GOLGA8S: variants seen among roughly 807,000 people sequenced by gnomAD.
GOLGA8S encodes the protein golgin A8 family member S.
In GOLGA8S, 23 loss-of-function variants were observed where a neutral mutation model predicts 58.9. The ratio of observed to expected loss-of-function variants is 0.39; its 90% CI spans 0.28 to 0.55. The LOEUF (loss-of-function observed/expected upper bound fraction) is 0.55, where lower values mean the gene tolerates loss of function less well. Among genes scored for constraint, GOLGA8S ranks in the 20% least tolerant of loss-of-function variants. The pLI is 0.63. For synonymous variants in GOLGA8S, 84 were observed against 195.7 expected, an observed-to-expected ratio of 0.43 and a Z score of 4.76; for missense variants, 266 against 514.2, an observed-to-expected ratio of 0.52 and a Z score of 4.67.
At position 23,359,496 on chromosome 15, in the gene GOLGA8S, G is replaced by C. The variant is rs368634783; in HGVS notation, c.591+287G>C. 4.3e-4 allele frequency among the ~76,000 whole-genome samples: 62 copies of C among 144,760 alleles called. 1 individual carries two copies. The highest frequency in any genetic ancestry group is 1.4e-3 in the East Asian group (7 of 5,084). 95.0% of individuals were successfully genotyped at this position (144,760 alleles called of 152,430 possible). On this transcript the variant is annotated intron_variant, in intron 8 of 18. Transcript: ENST00000562295. The stretch of plus-strand genomic sequence containing the variant: ...TGGCCAAGTCCTCAGTGGGTATTGG[G>C]TACTTGTACTGTGAAGGTACAGAAG...
chr15:23,364,464 C>T (rs750479059), intron 16 of GOLGA8S, 21 bp downstream of exon 16: 14 of 1,604,490 alleles, frequency 8.7e-6, no homozygotes, highest in African/African-American at 2.7e-5. Flanking sequence ...GGCCAGGGCA[C>T]AGCAGGGGGA....
rs755634510 is a variant in GOLGA8S, at chr15:23,364,634, C to G, written c.1546+11C>G. 1 of 1,407,440 alleles carries G rather than the reference C, an allele frequency of 7.1e-7. No homozygotes were observed. The highest frequency in any genetic ancestry group is 1.2e-5 in the South Asian group (1 of 81,798). 87.2% of individuals were successfully genotyped at this position (1,407,440 alleles called of 1,614,324 possible). On this transcript the variant is annotated intron_variant, in intron 17 of 18. Transcript: ENST00000562295. The stretch of plus-strand genomic sequence containing the variant: ...AGGGAGGAGATGAAGGTAGGGTGTG[C>G]AACATCTCTGTGGGGGTGGGGGTGG...
At position 23,364,307 on chromosome 15, in the gene GOLGA8S, C is replaced by T. The variant is rs756490178; in HGVS notation, c.1348-36C>T. On this transcript the variant is annotated intron_variant, in intron 15 of 18. Coordinates refer to ENST00000562295, the Ensembl canonical transcript of GOLGA8S. ...TTGAAAATGCCACCTGAGGGCAGGTCGCTGCCGAGATGTGACTACAATATT... is the reference window on the plus strand; with the variant it reads ...TTGAAAATGCCACCTGAGGGCAGGTTGCTGCCGAGATGTGACTACAATATT... The T allele has an allele frequency of 3.5e-5, 56 of 1,596,050 alleles. 3 individuals carry two copies. Among genetic ancestry groups the T allele is most frequent in the African/African-American group, 5.4e-5 (4 of 74,748 alleles).
rs1443380190 is a variant in GOLGA8S, at chr15:23,360,634, G to A, written c.787-94G>A. On this transcript the variant is annotated intron_variant, in intron 10 of 18. Transcript: ENST00000562295. ...TAGAGCCAGAGGTGGTCATGGGACT[G>A]GGCTTTGTGGAGGTGGGGGCAGAGA... 3 of 1,271,586 alleles carry A rather than the reference G, an allele frequency of 2.4e-6. No homozygotes were observed. The East Asian group carries it at 6.9e-5, about 29-fold the overall frequency. 78.8% of individuals were successfully genotyped at this position (1,271,586 alleles called of 1,614,324 possible).
At chr15:23,363,955 C>T (rs1163495623) in intron 15 of GOLGA8S, among the ~76,000 whole-genome samples, 186 bp downstream of exon 15, 2 of 135,618 alleles carry the variant, frequency 1.5e-5, no homozygotes, top group Admixed American at 8.1e-5. Flanking sequence ...AGGGAAGGGG[C>T]TGCGCTCCAC....
At chr15:23,360,673 C>T (rs1300987476) in intron 10 of GOLGA8S, 55 bp from the exon 11 acceptor site, 5 of 1,210,540 alleles carry the variant, frequency 4.1e-6, no homozygotes, top group Non-Finnish European at 6.1e-6. Context: ...AGAGGGCAGC[C>T]TGTCCAGCCT....
chr15:23,362,695 A>G (rs641872), intron 13 of GOLGA8S, among the ~76,000 whole-genome samples: 2,896 of 142,272 alleles, frequency 0.02, 129 homozygotes, highest in Non-Finnish European at 0.028. Context: ...CTAGGAAAGC[A>G]AGGCAGTCAC....
At chr15:23,366,038 C>T (rs558525594), downstream of GOLGA8S, 7 of 150,092 alleles carry the variant, frequency 4.7e-5, no homozygotes, top group South Asian at 6.7e-4. Context: ...ATCTACAATA[C>T]ATTTTAAACT....
Position 23,364,235 on chromosome 15 carries a change from C to T in GOLGA8S, c.1348-108C>T, listed in dbSNP as rs560488442. ...ACCCACTGGGCCCTGCAGGAAGTCA[C>T]GGAGAAGCTGGCCCATGCCAGGACT... On this transcript the variant is annotated intron_variant, in intron 15 of 18. Transcript: ENST00000562295. The T allele has an allele frequency of 5.6e-3, 8,532 of 1,522,292 alleles. 100 individuals carry two copies. Among genetic ancestry groups the T allele is most frequent in the Non-Finnish European group, 6.9e-3 (7,747 of 1,123,888 alleles). 94.3% of individuals were successfully genotyped at this position (1,522,292 alleles called of 1,614,324 possible).
downstream of GOLGA8S, chr15:23,366,183 G>T (rs1341474655): frequency 6.6e-6 from 1 of 151,726 alleles, no homozygotes; most frequent in African/African-American, 2.4e-5. Context: ...CCCTGGAACA[G>T]GCATACAGGC....
rs567812264 is a variant in GOLGA8S at position 23,363,705 on chromosome 15, A to T, written c.1283A>T (p.Glu428Val). ...GATGGAGGAGGACATCTGGACAGTG[A>T]GGGGGAGGAGGCACCTCGGCCCATT... is the stretch of plus-strand genomic sequence containing the variant. The change falls in exon 15 of 19, where the codon GAG (glutamate) becomes GTG (valine). Residue 428 changes from glutamate (E) to valine (V), a missense_variant. Physicochemically the swap from Glu to Val is moderately radical, Grantham distance 121 (BLOSUM62 -2). Transcript: ENST00000562295. 2,351 of 499,660 alleles carry T rather than the reference A, an allele frequency of 4.7e-3. 236 individuals are homozygous for T. Among genetic ancestry groups the T allele is most frequent in the African/African-American group, 0.038 (1,515 of 39,682 alleles). The allele number at this position is 499,660 out of a possible 1,614,324, so 31.0% of individuals were successfully genotyped here.
chr15:23,366,487 G>A (rs931075325), downstream of GOLGA8S: 2 of 151,954 alleles, frequency 1.3e-5, no homozygotes, highest in African/African-American at 4.8e-5. Flanking sequence ...TGAAAATCAA[G>A]GAGAAGTTTA....
At chr15:23,368,094 A>G (rs1059929), downstream of GOLGA8S, among the ~76,000 whole-genome samples, 8 of 152,110 alleles carry the variant, frequency 5.3e-5, no homozygotes, top group African/African-American at 1.7e-4. Flanking sequence ...AAATATGAAT[A>G]CTATAGTATA....
intron 16 of GOLGA8S, 22 bp downstream of exon 16, chr15:23,364,465 A>G (rs3826020): frequency 0.066 from 102,339 of 1,555,906 alleles, 5,941 homozygotes; most frequent in African/African-American, 0.12. Flanking sequence ...GCCAGGGCAC[A>G]GCAGGGGGAG....
chr15:23,360,070 C>T (rs1295568955), intron 8 of GOLGA8S, among the ~76,000 whole-genome samples, 159 bp from the exon 9 acceptor site: 9 of 147,866 alleles, frequency 6.1e-5, no homozygotes, highest in African/African-American at 2.3e-4. Context: ...TTTCCCTGTC[C>T]CTTCCAACTT....
downstream of GOLGA8S, chr15:23,366,141 G>A (rs2069918869): frequency 6.6e-6 from 1 of 151,736 alleles, no homozygotes; most frequent in Non-Finnish European, 1.5e-5. Context: ...ATTTAGTAAA[G>A]ATCATAAGAA....
chr15:23,365,439 C>T, downstream of GOLGA8S: 1 of 502,470 alleles, frequency 2.0e-6, no homozygotes, highest in East Asian at 3.6e-5. Flanking sequence ...CACAAAGACC[C>T]ACTCTTTGCC....
At chr15:23,364,436 T>G in exon 16 of GOLGA8S, 1 of 1,605,152 alleles carries the variant, frequency 6.2e-7, no homozygotes, top group Non-Finnish European at 8.5e-7. Context: ...GCAAGAGAGA[T>G]GCCATCAGTG....
intron 7 of GOLGA8S, 31 bp downstream of exon 7, chr15:23,359,035 A>C: frequency 3.9e-6 from 2 of 507,968 alleles, no homozygotes; most frequent in South Asian, 2.0e-5. Context: ...TCATCCTTCA[A>C]CCTGGCACTT....
Sources: gnomAD v4.1 joint callset for allele counts (sites outside exome capture counted in the v4.1 genomes callset) on GRCh38, gnomAD v4.1.1 for gene constraint, MANE v1.5 for transcripts, NCBI Gene and HGNC (gene_info 2026-07-23, HGNC 2026-07-21) for gene names.